METTL24: variants seen among roughly 807,000 people sequenced by gnomAD.
METTL24 encodes the protein methyltransferase like 24.
METTL24 carries 29 observed loss-of-function variants against 32.7 expected under a neutral mutation model. The observed-to-expected ratio is 0.89, with a 90% CI of 0.66 to 1.21. The LOEUF is 1.21. Among genes scored for constraint, METTL24 ranks in the 50% most tolerant of loss-of-function variants. The probability of loss-of-function intolerance (pLI) is 0.00; values close to 1 mark genes in which losing one functional copy is unlikely to be tolerated. For missense variants in METTL24, 439 were observed against 468.1 expected (o/e 0.94, Z 0.57); for synonymous variants, 163 against 179.5 (o/e 0.91, Z 0.73).
chr6:110,287,754 T>C lies in METTL24; in HGVS notation c.786+11168A>G, dbSNP rs562595692. The stretch of plus-strand genomic sequence containing the variant: ...AAGGTGCTGGAGAAAAAGGCCAACA[T>C]GTATCCTGTATAGTTCCAGAGTGCC... On this transcript the variant is annotated intron_variant, in intron 4 of 4. Transcript: ENST00000338882. Among the ~76,000 whole-genome samples, 26 of 152,310 alleles carry C rather than the reference T, an allele frequency of 1.7e-4. No homozygotes were observed. The South Asian group carries it at 2.9e-3, about 17-fold the overall frequency.
At chr6:110,340,545 C>T (rs1327967278) in intron 1 of METTL24, among the ~76,000 whole-genome samples, 3 of 152,286 alleles carry the variant, frequency 2.0e-5, no homozygotes, top group East Asian at 1.9e-4. Context: ...ACTCCTATGG[C>T]CGATTCTGAC....
chr6:110,263,754 T>A (rs1383945886), intron 4 of METTL24, among the ~76,000 whole-genome samples: 2 of 152,220 alleles, frequency 1.3e-5, no homozygotes, highest in African/African-American at 4.8e-5. Context: ...AACAGCATGG[T>A]ACTGGTACCA....
chr6:110,339,448 T>C, intron 1 of METTL24, among the ~76,000 whole-genome samples: 1 of 152,248 alleles, frequency 6.6e-6, no homozygotes, highest in East Asian at 1.9e-4. Flanking sequence ...TTCTAAATAC[T>C]GTGCATTAGG....
chr6:110,282,982 T>C (rs574229670), intron 4 of METTL24, among the ~76,000 whole-genome samples: 17 of 152,196 alleles, frequency 1.1e-4, no homozygotes, highest in Non-Finnish European at 2.2e-4. Context: ...ATAATGTCTA[T>C]ATATTTTAAA....
intron 1 of METTL24, among the ~76,000 whole-genome samples, chr6:110,343,819 G>A (rs1772411474): frequency 6.6e-6 from 1 of 152,170 alleles, no homozygotes; most frequent in African/African-American, 2.4e-5. Flanking sequence ...CTTCAGTAAG[G>A]CCTGTGTTGG....
intron 1 of METTL24, among the ~76,000 whole-genome samples, chr6:110,348,182 G>A (rs1164850404): frequency 2.0e-5 from 3 of 152,192 alleles, no homozygotes; most frequent in African/African-American, 2.4e-5. Flanking sequence ...TCCTGCTCTC[G>A]TTTCATCTTC....
rs1354034215 is a variant in METTL24, at chr6:110,322,758, G to C, written c.417+16C>G. 1 of 1,601,074 alleles carries C rather than the reference G, an allele frequency of 6.2e-7. No homozygotes were observed. The highest frequency in any genetic ancestry group is 8.5e-7 in the Non-Finnish European group (1 of 1,171,198). ...TTTCACATTCTTCTCTAACTTCTTT[G>C]AGCCTGAAACACAACCTGGGTGGTG... is the stretch of plus-strand genomic sequence containing the variant. On this transcript the variant is annotated intron_variant, in intron 2 of 4. Coordinates refer to ENST00000338882, the MANE Select transcript of METTL24 (RefSeq NM_001123364.3).
In METTL24 at chr6:110,342,912, C is replaced by T. The variant is rs1772388107; in HGVS notation, c.318+15043G>A. ...CCCTTTTTATAGTTGAGTAAGTTTC[C>T]CCTGTATGGGTATACCACATCTTGT... On this transcript the variant is annotated intron_variant, in intron 1 of 4. Transcript: ENST00000338882. 2.6e-5 allele frequency among the ~76,000 whole-genome samples: 4 copies of T among 152,238 alleles called. No individual in the cohort carries two copies. The South Asian group carries it at 8.3e-4, about 32-fold the overall frequency.
At chr6:110,348,028 G>A (rs1772513446) in intron 1 of METTL24, among the ~76,000 whole-genome samples, 2 of 152,096 alleles carry the variant, frequency 1.3e-5, no homozygotes, top group African/African-American at 2.4e-5. Context: ...AGTGAACATT[G>A]GGCTTTACCC....
In METTL24 at chr6:110,272,687, T is replaced by C. The variant is rs554775731; in HGVS notation, c.786+26235A>G. ...TTGCAGGAGTAAGGTGGTATCTCAT[T>C]GTGGTTTTGGTTTGCATTTCCCTGA... On this transcript the variant is annotated intron_variant, in intron 4 of 4. Transcript: ENST00000338882. Among the ~76,000 whole-genome samples the C allele has an allele frequency of 3.3e-5, 5 of 152,344 alleles. No individual in the cohort carries two copies. In the East Asian group the frequency reaches 7.7e-4, roughly 24 times the overall value.
At chr6:110,274,796 T>C (rs1771018404) in intron 4 of METTL24, among the ~76,000 whole-genome samples, 1 of 140,612 alleles carries the variant, frequency 7.1e-6, no homozygotes, top group South Asian at 2.3e-4. Context: ...TTCCTTTTCG[T>C]TCTTTCTTTT....
At chr6:110,267,962 A>G (rs1166841504) in intron 4 of METTL24, among the ~76,000 whole-genome samples, 6 of 152,136 alleles carry the variant, frequency 3.9e-5, no homozygotes, top group Non-Finnish European at 1.5e-5. Flanking sequence ...GACAGCACCA[A>G]GCCATTCATG....
intron 4 of METTL24, among the ~76,000 whole-genome samples, chr6:110,293,164 A>C (rs1771349770): frequency 6.6e-6 from 1 of 152,028 alleles, no homozygotes; most frequent in African/African-American, 2.4e-5. Context: ...AACATGTTAA[A>C]TCAGTAGATT....
At chr6:110,325,477 C>T (rs1772001777) in intron 1 of METTL24, among the ~76,000 whole-genome samples, 1 of 152,204 alleles carries the variant, frequency 6.6e-6, no homozygotes. Context: ...TTTGCTGACT[C>T]CTGCTCCAGC....
chr6:110,331,010 C>A (rs182488638), intron 1 of METTL24, among the ~76,000 whole-genome samples: 220 of 152,164 alleles, frequency 1.4e-3, no homozygotes, highest in Non-Finnish European at 2.8e-3. Context: ...ACAAAATAAT[C>A]CATGAAGTAA....
At chr6:110,284,593 C>T (rs183707915) in intron 4 of METTL24, among the ~76,000 whole-genome samples, 259 of 150,586 alleles carry the variant, frequency 1.7e-3, no homozygotes, top group African/African-American at 4.6e-3. Flanking sequence ...CATAGAGAAA[C>T]GATCCCTGTG....
chr6:110,326,903 G>C (rs1294859687), intron 1 of METTL24, among the ~76,000 whole-genome samples: 1 of 152,194 alleles, frequency 6.6e-6, no homozygotes, highest in Non-Finnish European at 1.5e-5. Context: ...GCAGGGTGGA[G>C]GTTGGGCCAG....
intron 3 of METTL24, among the ~76,000 whole-genome samples, chr6:110,312,410 T>C (rs892135761): frequency 3.9e-5 from 6 of 152,230 alleles, no homozygotes; most frequent in African/African-American, 1.2e-4. Context: ...CCCATGTTTA[T>C]TGCAGCACTA....
intron 1 of METTL24, among the ~76,000 whole-genome samples, chr6:110,338,469 A>G (rs6568639): frequency 0.7 from 106,230 of 151,900 alleles, 37,384 homozygotes; most frequent in Non-Finnish European, 0.74. Flanking sequence ...CTGTCCTCCA[A>G]CCTGGGCAAC....
Sources: allele counts gnomAD v4.1 joint callset (sites outside exome capture counted in the v4.1 genomes callset), GRCh38; gene constraint gnomAD v4.1.1; transcripts MANE v1.5; gene names NCBI Gene and HGNC (gene_info 2026-07-23, HGNC 2026-07-21).